Variants in ADAM7 observed in about 807,000 individuals in gnomAD.
ADAM7 encodes disintegrin and metalloproteinase domain-containing protein 7.
In ADAM7, 97 loss-of-function variants were observed where a neutral mutation model predicts 102.9. The ratio of observed to expected loss-of-function variants is 0.94; its 90% CI spans 0.80 to 1.12. The LOEUF (loss-of-function observed/expected upper bound fraction) is 1.12. Ranked by LOEUF, ADAM7 falls within the 50% of genes most tolerant of loss-of-function variation. The pLI is 0.00. For missense variants in ADAM7, 991 were observed against 908.7 expected (o/e 1.09, Z -1.16); for synonymous variants, 334 against 304.4 (o/e 1.10, Z -1.01).
Position 24,487,209 on chromosome 8 carries a change from T to G in ADAM7, c.983T>G (p.Ile328Arg). 1 of 1,613,778 alleles carries G rather than the reference T, an allele frequency of 6.2e-7. No individual in the cohort carries two copies. Among genetic ancestry groups the G allele is most frequent in the Non-Finnish European group, 8.5e-7 (1 of 1,179,778 alleles). Reference protein sequence around the residue: ...IIKDLLPDTNIIANRMAHQLG... With the variant: ...IIKDLLPDTNRIANRMAHQLG... ...CAGGATCTTTTACCTGACACAAACATAATTGCAAACAGAATGGCACATCAA... is the reference window on the plus strand; with the variant it reads ...CAGGATCTTTTACCTGACACAAACAGAATTGCAAACAGAATGGCACATCAA... The change falls in exon 11 of 22, where the codon ATA (isoleucine) becomes AGA (arginine). Residue 328 changes from isoleucine (I) to arginine (R), a missense_variant. By Grantham distance (97) the Ile-to-Arg change is moderately conservative (BLOSUM62 -3). Transcript: ENST00000175238.
chr8:24,480,426 CTT>C (rs1819910360), intron 8 of ADAM7, among the ~76,000 whole-genome samples: 1 of 152,098 alleles, frequency 6.6e-6, no homozygotes, highest in South Asian at 2.1e-4. Flanking sequence ...CTTATTTTGA[CTT>C]TTATTATGTC....
At chr8:24,473,218 A>C (rs1005981554) in intron 7 of ADAM7, among the ~76,000 whole-genome samples, 1 of 152,074 alleles carries the variant, frequency 6.6e-6, no homozygotes, top group Non-Finnish European at 1.5e-5. Context: ...AGAGGAAAAA[A>C]CCCCACATTT....
intron 16 of ADAM7, among the ~76,000 whole-genome samples, chr8:24,495,327 C>T (rs1262634545): frequency 6.6e-6 from 1 of 151,978 alleles, no homozygotes; most frequent in African/African-American, 2.4e-5. Flanking sequence ...GTTGAATTAC[C>T]TGACAAGGAA....
intron 11 of ADAM7, 45 bp downstream of exon 11, chr8:24,487,362 G>C (rs1278793698): frequency 6.3e-7 from 1 of 1,595,280 alleles, no homozygotes; most frequent in Non-Finnish European, 8.6e-7. Flanking sequence ...TAATTCAGAA[G>C]TGGGCTGGGC....
At chr8:24,447,110 C>T in intron 2 of ADAM7, 76 bp from the exon 3 acceptor site, 1 of 703,754 alleles carries the variant, frequency 1.4e-6, no homozygotes, top group Non-Finnish European at 2.2e-6. Flanking sequence ...AGGGAACATT[C>T]ACCCAAAGCA....
chr8:24,491,973 A>G lies in ADAM7; in HGVS notation c.1427A>G (p.His476Arg). The change falls in exon 14 of 22, where the codon CAC (histidine) becomes CGC (arginine). Residue 476 changes from histidine (H) to arginine (R), a missense_variant. His to Arg is a conservative substitution (Grantham distance 29, BLOSUM62 0). Transcript: ENST00000175238. ...GATTTTCCTGAGATGTGCACTGGCC[A>G]CTCGCCTGCCTGTCCTAAGGACCAG... The part of the protein sequence containing the change: ...ECDFPEMCTG[H>R]SPACPKDQFR... The G allele has an allele frequency of 6.2e-7, 1 of 1,613,844 alleles. No individual in the cohort carries two copies. The highest frequency in any genetic ancestry group is 8.5e-7 in the Non-Finnish European group (1 of 1,179,854).
At position 24,476,450 on chromosome 8, in the gene ADAM7, T is replaced by C; in HGVS notation, c.651T>C (p.His217=). 4 of 1,605,948 alleles carry C rather than the reference T, an allele frequency of 2.5e-6. No homozygotes were observed. Among genetic ancestry groups the C allele is most frequent in the Non-Finnish European group, 3.4e-6 (4 of 1,174,560 alleles). ...ATTTCCAGTATCGCAGAAATGGTCA[T>C]CCTCACAATAAACTAAGGAACCGAA... is the stretch of plus-strand genomic sequence containing the variant. ...ADDTVYRRNG[H]PHNKLRNRIW... Residue 217 remains histidine (H), a synonymous_variant, in exon 8 of 22, where the codon CAT becomes CAC. Transcript: ENST00000175238.
chr8:24,493,098 G>A lies in ADAM7; in HGVS notation c.1711G>A (p.Gly571Arg), dbSNP rs748356789. 4 of 1,611,888 alleles carry A rather than the reference G, an allele frequency of 2.5e-6. No homozygotes were observed. In the African/African-American group the frequency reaches 5.4e-5, roughly 22 times the overall value. The change falls in exon 16 of 22, where the codon GGA (glycine) becomes AGA (arginine). Residue 571 changes from glycine to arginine, a missense_variant. Coordinates refer to ENST00000175238, the MANE Select transcript of ADAM7 (RefSeq NM_003817.4). ...CTGGELSSLL[G>R]EDKTYHLKDP... ...TGGAGGGGAGCTTTCCTCTCTCCTT[G>A]GAGAAGACAAGACTTATCACCTTAA...
intron 7 of ADAM7, among the ~76,000 whole-genome samples, chr8:24,475,321 A>G (rs1261944474): frequency 6.6e-6 from 1 of 152,182 alleles, no homozygotes; most frequent in African/African-American, 2.4e-5. Flanking sequence ...TTATCAATCA[A>G]TCAATGGAAA....
chr8:24,463,818 T>G (rs1235730695), intron 3 of ADAM7, 64 bp from the exon 4 acceptor site: 1 of 1,358,328 alleles, frequency 7.4e-7, no homozygotes, highest in Non-Finnish European at 1.0e-6. Context: ...CATCACATTA[T>G]AGGTTTTATC....
intron 20 of ADAM7, among the ~76,000 whole-genome samples, chr8:24,502,840 GA>G (rs1820807863): frequency 6.6e-6 from 1 of 152,038 alleles, no homozygotes; most frequent in African/African-American, 2.4e-5. Context: ...CAGATAATTG[GA>G]AAGAGGGGGA....
chr8:24,446,638 A>C (rs1230824981), intron 2 of ADAM7, among the ~76,000 whole-genome samples: 3 of 152,004 alleles, frequency 2.0e-5, no homozygotes, highest in Non-Finnish European at 4.4e-5. Context: ...AAAATTTATT[A>C]AAATAGGAAA....
chr8:24,461,722 A>G (rs570874691), intron 3 of ADAM7, among the ~76,000 whole-genome samples: 1 of 151,846 alleles, frequency 6.6e-6, no homozygotes, highest in East Asian at 1.9e-4. Context: ...AATTTCTATT[A>G]ATCTCTCATT....
At chr8:24,484,802 C>CTTTTTTTTTTTTTTTTTTTTTTT (rs544478529) in intron 9 of ADAM7, among the ~76,000 whole-genome samples, 2 of 91,950 alleles carry the variant, frequency 2.2e-5, no homozygotes, top group Admixed American at 1.2e-4. Context: ...ATTGCACTGG[C>CTTTTTTTTTTTTTTTTTTTTTTT]TTTTTTTTTT....
At chr8:24,463,789 A>T in intron 3 of ADAM7, 93 bp from the exon 4 acceptor site, 1 of 1,061,468 alleles carries the variant, frequency 9.4e-7, no homozygotes, top group South Asian at 1.5e-5. Context: ...GAGATTTGGA[A>T]GCAAACTGGA....
chr8:24,497,376 T>C (rs374655651), intron 16 of ADAM7, among the ~76,000 whole-genome samples: 15 of 152,318 alleles, frequency 9.8e-5, no homozygotes, highest in East Asian at 3.9e-4. Context: ...TTTTAAAACA[T>C]ATTAAACCTA....
intron 11 of ADAM7, among the ~76,000 whole-genome samples, chr8:24,488,308 G>A (rs767290347): frequency 4.6e-5 from 7 of 152,104 alleles, no homozygotes; most frequent in African/African-American, 1.7e-4. Context: ...ATTGTACTGT[G>A]AATTACCAAG....
At chr8:24,452,877 C>T (rs2129376186) in intron 3 of ADAM7, among the ~76,000 whole-genome samples, 1 of 150,518 alleles carries the variant, frequency 6.6e-6, no homozygotes, top group African/African-American at 2.5e-5. Context: ...ATTTGCTTGT[C>T]TGTAAAGGAT....
Position 24,444,333 on chromosome 8 carries a change from C to G in ADAM7, c.156+1757C>G, listed in dbSNP as rs539193228. ...TGGACACTTCTTCTGGGAGAGGAATCAAATAATTTATGTAGATGCTGTCCT... is the reference window on the plus strand; with the variant it reads ...TGGACACTTCTTCTGGGAGAGGAATGAAATAATTTATGTAGATGCTGTCCT... On this transcript the variant is annotated intron_variant, in intron 2 of 21. Transcript: ENST00000175238. 6.6e-5 allele frequency among the ~76,000 whole-genome samples: 10 copies of G among 151,642 alleles called. No individual in the cohort carries two copies. The East Asian group carries it at 1.9e-3, about 29-fold the overall frequency.
Sources: allele counts gnomAD v4.1 joint callset (sites outside exome capture counted in the v4.1 genomes callset), GRCh38; gene constraint gnomAD v4.1.1; transcripts MANE v1.5; gene names NCBI Gene and HGNC (gene_info 2026-07-23, HGNC 2026-07-21).